The following WWOX variants were observed in gnomAD, a reference collection of about 807,000 sequenced individuals.
WWOX encodes the protein WW domain containing oxidoreductase, also known as WW domain-containing oxidoreductase.
WWOX carries 69 observed loss-of-function variants against 46.2 expected under a neutral mutation model. That is an observed-to-expected ratio of 1.49 (90% CI 1.23 to 1.82). WWOX has a LOEUF of 1.82. Among genes scored for constraint, WWOX ranks in the 40% most tolerant of loss-of-function variants. The probability of loss-of-function intolerance (pLI) is 0.00; values close to 1 mark genes in which losing one functional copy is unlikely to be tolerated. For synonymous variants in WWOX, 359 were observed against 202.6 expected (o/e 1.77, Z -6.56); for missense variants, 919 against 542.6 (o/e 1.69, Z -6.89).
At chr16:78,948,622 A>G (rs999691764) in intron 8 of WWOX, among the ~76,000 whole-genome samples, 3 of 152,018 alleles carry the variant, frequency 2.0e-5, no homozygotes, top group Non-Finnish European at 4.4e-5. Flanking sequence ...TCTGAAGAGC[A>G]TAAACTTGGG....
chr16:79,195,069 G>A (rs1013076208), intron 8 of WWOX, among the ~76,000 whole-genome samples: 5 of 152,106 alleles, frequency 3.3e-5, no homozygotes, highest in Admixed American at 1.3e-4. Flanking sequence ...TGGTCATTCC[G>A]GATGGCTAAA....
chr16:78,478,583 C>G (rs529301449), intron 8 of WWOX, among the ~76,000 whole-genome samples: 9 of 151,546 alleles, frequency 5.9e-5, no homozygotes, highest in African/African-American at 2.2e-4. Flanking sequence ...TTGCACCCCC[C>G]ACCCCAAGGA....
chr16:78,435,894 A>G (rs2083324181), intron 8 of WWOX, among the ~76,000 whole-genome samples: 1 of 152,232 alleles, frequency 6.6e-6, no homozygotes, highest in Non-Finnish European at 1.5e-5. Context: ...ATGGATATAG[A>G]ATTTCTGCAG....
intron 8 of WWOX, among the ~76,000 whole-genome samples, chr16:78,458,603 T>C (rs1039220794): frequency 1.3e-5 from 2 of 152,170 alleles, no homozygotes; most frequent in Admixed American, 1.3e-4. Flanking sequence ...TTTATTTTCT[T>C]ATATTTACAG....
At chr16:78,194,034 A>G (rs1020809259) in intron 5 of WWOX, among the ~76,000 whole-genome samples, 2 of 150,062 alleles carry the variant, frequency 1.3e-5, no homozygotes, top group African/African-American at 4.9e-5. Flanking sequence ...CCCACCACCG[A>G]GCCCGGCTAA....
At chr16:78,588,475 C>A (rs1374856929) in intron 8 of WWOX, among the ~76,000 whole-genome samples, 1 of 152,040 alleles carries the variant, frequency 6.6e-6, no homozygotes, top group Non-Finnish European at 1.5e-5. Flanking sequence ...TGTTTGGGCT[C>A]TGAAAGTTAT....
chr16:78,173,138 A>C (rs1377559574), intron 5 of WWOX, among the ~76,000 whole-genome samples: 3 of 152,228 alleles, frequency 2.0e-5, no homozygotes, highest in Non-Finnish European at 4.4e-5. Context: ...TATTTTAGAC[A>C]AATATTTAAA....
chr16:78,288,415 G>A (rs968632137), intron 5 of WWOX, among the ~76,000 whole-genome samples: 8 of 152,090 alleles, frequency 5.3e-5, no homozygotes, highest in Admixed American at 3.9e-4. Flanking sequence ...TTTGATCTAG[G>A]TTGGCCTGAT....
At chr16:78,784,906 C>G (rs527893139) in intron 8 of WWOX, among the ~76,000 whole-genome samples, 31 of 152,250 alleles carry the variant, frequency 2.0e-4, no homozygotes, top group African/African-American at 7.5e-4. Flanking sequence ...TGTGGTCATA[C>G]TCACAACCTA....
chr16:78,604,657 C>G (rs910503706), intron 8 of WWOX, among the ~76,000 whole-genome samples: 1 of 134,006 alleles, frequency 7.5e-6, no homozygotes, highest in Non-Finnish European at 1.6e-5. Context: ...AAAAAAGATT[C>G]CTTCCTTCCT....
intron 8 of WWOX, among the ~76,000 whole-genome samples, chr16:79,167,355 A>G (rs1487815973): frequency 2.6e-5 from 4 of 152,184 alleles, no homozygotes; most frequent in Non-Finnish European, 5.9e-5. Context: ...AAGTGTGATT[A>G]TTATATTATT....
At chr16:78,117,060 G>T (rs1032352246) in intron 4 of WWOX, among the ~76,000 whole-genome samples, 4 of 152,226 alleles carry the variant, frequency 2.6e-5, no homozygotes, top group African/African-American at 9.6e-5. Flanking sequence ...GAGAGGAGGA[G>T]ATTCTGAAGC....
intron 8 of WWOX, among the ~76,000 whole-genome samples, chr16:78,984,394 T>C (rs2046744523): frequency 6.6e-6 from 1 of 152,214 alleles, no homozygotes; most frequent in African/African-American, 2.4e-5. Context: ...TATTTTATAC[T>C]TTGTGGGTCA....
chr16:78,431,312 A>G (rs1407665036), intron 7 of WWOX, among the ~76,000 whole-genome samples: 3 of 152,174 alleles, frequency 2.0e-5, no homozygotes, highest in Admixed American at 6.5e-5. Context: ...TTTCTTTTAA[A>G]CGTATAAGAC....
In WWOX at chr16:78,730,617, A is replaced by ATTT. The variant is rs536906826; in HGVS notation, c.1056+297884_1056+297886dup. On this transcript the variant is annotated intron_variant, in intron 8 of 8. Transcript: ENST00000566780. ...CAGGTGCATGCCACCACGCCCGGCA[A>ATTT]TTTTTTTTTTTTTTTTTTTTTAAGT... is the stretch of plus-strand genomic sequence containing the variant. Among the ~76,000 whole-genome samples the ATTT allele has an allele frequency of 4.6e-3, 562 of 123,016 alleles. 5 individuals are homozygous for ATTT. The highest frequency in any genetic ancestry group is 0.013 in the East Asian group (51 of 4,022). 80.7% of individuals were successfully genotyped at this position (123,016 alleles called of 152,430 possible).
At chr16:78,427,598 T>G (rs534143181) in intron 7 of WWOX, among the ~76,000 whole-genome samples, 23 of 152,092 alleles carry the variant, frequency 1.5e-4, no homozygotes, top group African/African-American at 5.5e-4. Flanking sequence ...CCAGCCTAAT[T>G]ATTTTAGGCG....
At chr16:78,778,660 G>T (rs2050249894) in intron 8 of WWOX, among the ~76,000 whole-genome samples, 1 of 152,148 alleles carries the variant, frequency 6.6e-6, no homozygotes, top group Admixed American at 6.5e-5. Context: ...ATGTGAAATG[G>T]GAACATCACT....
chr16:78,387,214 A>G (rs1481215372), intron 6 of WWOX, among the ~76,000 whole-genome samples: 1 of 152,202 alleles, frequency 6.6e-6, no homozygotes, highest in African/African-American at 2.4e-5. Flanking sequence ...TGGCTAATAA[A>G]AGCTTGGCAA....
chr16:78,622,825 G>T (rs1444099910), intron 8 of WWOX, among the ~76,000 whole-genome samples: 1 of 152,174 alleles, frequency 6.6e-6, no homozygotes, highest in Non-Finnish European at 1.5e-5. Context: ...GAGTTAATGA[G>T]CAGGGGGATC....
Sources: gnomAD v4.1 joint callset for allele counts (sites outside exome capture counted in the v4.1 genomes callset) on GRCh38, gnomAD v4.1.1 for gene constraint, MANE v1.5 for transcripts, NCBI Gene and HGNC (gene_info 2026-07-23, HGNC 2026-07-21) for gene names.